ZBTB45: variants seen among roughly 807,000 people sequenced by gnomAD.
ZBTB45 encodes zinc finger and BTB domain containing 45.
Under a neutral mutation model 28.4 loss-of-function variants are expected in ZBTB45, and 22 were observed. That is an observed-to-expected ratio of 0.77 (90% CI 0.55 to 1.10). The LOEUF is 1.10. Among genes scored for constraint, ZBTB45 ranks in the 50% least tolerant of loss-of-function variants. The pLI is 0.00. For missense variants in ZBTB45, 656 were observed against 750.2 expected (o/e 0.87, Z 1.47); for synonymous variants, 361 against 332.3 (o/e 1.09, Z -0.94).
chr19:58,532,790 G>A (rs990576492), intron 1 of ZBTB45, among the ~76,000 whole-genome samples: 6 of 151,706 alleles, frequency 4.0e-5, no homozygotes, highest in Non-Finnish European at 7.4e-5. Context: ...CAGGTGATCC[G>A]CCCACCTCGG....
chr19:58,519,397 C>G (rs1218806834), intron 1 of ZBTB45: 2 of 152,320 alleles, frequency 1.3e-5, no homozygotes, highest in Non-Finnish European at 2.9e-5. Flanking sequence ...GCCGCAAGGC[C>G]GGCCTGGACA....
At chr19:58,530,141 C>G (rs915163780) in intron 1 of ZBTB45, among the ~76,000 whole-genome samples, 1 of 151,932 alleles carries the variant, frequency 6.6e-6, no homozygotes, top group African/African-American at 2.4e-5. Flanking sequence ...GAGGTCGAGG[C>G]TGCAGTGAGC....
At position 58,517,384 on chromosome 19, in the gene ZBTB45, C is replaced by T; in HGVS notation, c.290G>A (p.Gly97Asp). The T allele has an allele frequency of 6.2e-7, 1 of 1,612,814 alleles. No homozygotes were observed. Among genetic ancestry groups the T allele is most frequent in the Non-Finnish European group, 8.5e-7 (1 of 1,179,928 alleles). ...GGCCGTGAGCACCTGCAGGGCTTCA[C>T]CCTGCGCCACAACGAGCGAACCGCT... ...LYSGSLVVAQ[G>D]EALQVLTAAS... The change falls in exon 2 of 3, where the codon GGT becomes GAT. Residue 97 changes from glycine (G) to aspartate (D), a missense_variant. By Grantham distance (94) the Gly-to-Asp change is moderately conservative. Coordinates refer to ENST00000594051, the MANE Select transcript of ZBTB45 (RefSeq NM_001316979.2).
At chr19:58,531,383 T>G (rs1568651696) in intron 1 of ZBTB45, among the ~76,000 whole-genome samples, 1 of 152,182 alleles carries the variant, frequency 6.6e-6, no homozygotes, top group Admixed American at 6.5e-5. Context: ...AACCCTAACG[T>G]GGGGCACTGA....
Position 58,513,828 on chromosome 19 carries a change from ACCAGCC to A in ZBTB45, c.*220_*225del, listed in dbSNP as rs934290561. ...TAGTCCAGTTCTCAGAAGTGGTCTA[ACCAGCC>A]CCAGCCCCAGCCCGGCACCACCTGG... On this transcript the variant is annotated 3_prime_UTR_variant, in exon 3 of 3. Transcript: ENST00000594051. The A allele has an allele frequency of 1.1e-4, 57 of 508,862 alleles. No individual in the cohort carries two copies. Among genetic ancestry groups the A allele is most frequent in the African/African-American group, 1.1e-3 (53 of 49,882 alleles). 31.5% of individuals were successfully genotyped at this position (508,862 alleles called of 1,614,324 possible).
intron 1 of ZBTB45, among the ~76,000 whole-genome samples, chr19:58,537,916 C>A (rs754474040): frequency 1.3e-5 from 2 of 151,694 alleles, no homozygotes; most frequent in Non-Finnish European, 2.9e-5. Flanking sequence ...CAGCTCACTG[C>A]AACTTCTGCC....
chr19:58,524,433 A>ATGTGTGTGTG (rs1364446202), upstream of ZBTB45, among the ~76,000 whole-genome samples: 82 of 111,786 alleles, frequency 7.3e-4, no homozygotes, highest in African/African-American at 2.7e-3. Flanking sequence ...GTGTGTTCAT[A>ATGTGTGTGTG]TATGTGTGTG....
chr19:58,535,799 A>C (rs1217548270), intron 1 of ZBTB45, among the ~76,000 whole-genome samples: 1 of 152,230 alleles, frequency 6.6e-6, no homozygotes, highest in African/African-American at 2.4e-5. Flanking sequence ...GTCCTTTCAC[A>C]TATTTGCTGA....
At chr19:58,530,127 C>T (rs2053628220) in intron 1 of ZBTB45, among the ~76,000 whole-genome samples, 2 of 151,918 alleles carry the variant, frequency 1.3e-5, no homozygotes, top group Admixed American at 1.3e-4. Context: ...TCACTTGAGC[C>T]TGGGAGGTCG....
At chr19:58,519,625 T>G (rs1292872850) in intron 1 of ZBTB45, 117 bp downstream of exon 1, 1 of 153,192 alleles carries the variant, frequency 6.5e-6, no homozygotes, top group Admixed American at 6.5e-5. Context: ...ACCCCGGTCC[T>G]GCAGCGCCCC....
upstream of ZBTB45, among the ~76,000 whole-genome samples, chr19:58,523,663 ATCT>A (rs2053590412): frequency 1.4e-5 from 2 of 147,064 alleles, no homozygotes; most frequent in Non-Finnish European, 3.0e-5. Flanking sequence ...GCAAGACTCC[ATCT>A]TTTTTGTTTG....
chr19:58,518,253 C>A (rs2053541311), intron 1 of ZBTB45, among the ~76,000 whole-genome samples: 1 of 152,238 alleles, frequency 6.6e-6, no homozygotes, highest in African/African-American at 2.4e-5. Flanking sequence ...ATTGCTGCCT[C>A]AGAACCAGGT....
upstream of ZBTB45, among the ~76,000 whole-genome samples, chr19:58,524,173 C>T (rs1180014738): frequency 6.6e-6 from 1 of 150,480 alleles, no homozygotes; most frequent in Non-Finnish European, 1.5e-5. Context: ...TCCAGCCTAG[C>T]CAACATGGCA....
Position 58,515,647 on chromosome 19 carries a change from T to C in ZBTB45, c.1279+748A>G, listed in dbSNP as rs562839452. Among the ~76,000 whole-genome samples, 1 of 152,330 alleles carries C rather than the reference T, an allele frequency of 6.6e-6. No homozygotes were observed. The highest frequency in any genetic ancestry group is 1.9e-4 in the East Asian group (1 of 5,186). ...TGCAGAAACCCCCTCACTATCACTG[T>C]GGCCTTCCAGCCAAATTTTTGCTTT... is the stretch of plus-strand genomic sequence containing the variant. On this transcript the variant is annotated intron_variant, in intron 2 of 2. Transcript: ENST00000594051. The surrounding 1 kb of genome is among the most constrained non-coding windows in gnomAD (Gnocchi z 4.7).
At position 58,514,261 on chromosome 19, in the gene ZBTB45, G is replaced by A. The variant is rs185984401; in HGVS notation, c.1329C>T (p.Arg443=). The A allele has an allele frequency of 7.4e-6, 12 of 1,611,274 alleles. No individual in the cohort carries two copies. Among genetic ancestry groups the A allele is most frequent in the African/African-American group, 1.3e-5 (1 of 74,982 alleles). ...TGACCATGTGTTTGAGCAGGTAGTC[G>A]CGTAGAGAGAAGGATCGCCAGCACA... The part of the protein sequence containing the change: ...CAVCWRSFSL[R]DYLLKHMVTH... The change falls in exon 3 of 3, where the codon CGC becomes CGT. Residue 443 remains arginine (R), a synonymous_variant. Coordinates refer to ENST00000594051, the MANE Select transcript of ZBTB45 (RefSeq NM_001316979.2).
chr19:58,516,878 T>G lies in ZBTB45; in HGVS notation c.796A>C (p.Ser266Arg). 6.2e-7 allele frequency: 1 copy of G among 1,613,318 alleles called. No individual in the cohort carries two copies. The highest frequency in any genetic ancestry group is 8.5e-7 in the Non-Finnish European group (1 of 1,180,002). ...PPAPTGLADY[S>R]GAGRDFLRGA... is the part of the protein sequence containing the mutation. ...CGAAGAAAATCTCTCCCGGCACCACTGTAGTCAGCGAGGCCAGTGGGTGCA... is the reference window on the plus strand; with the variant it reads ...CGAAGAAAATCTCTCCCGGCACCACGGTAGTCAGCGAGGCCAGTGGGTGCA... The change falls in exon 2 of 3, where the codon AGT (serine) becomes CGT (arginine). Residue 266 changes from serine (S) to arginine (R), a missense_variant. Physicochemically the swap from Ser to Arg is moderately radical, Grantham distance 110 (BLOSUM62 -1). Around this residue, in one of 3 missense-constraint regions of ZBTB45, gnomAD observed 448 missense variants for 444.3 expected, o/e 1.01. Coordinates refer to ENST00000594051, the MANE Select transcript of ZBTB45 (RefSeq NM_001316979.2). This position sits in a 1 kb window ranked among gnomAD's most constrained non-coding sequence, Gnocchi z 6.2.
At chr19:58,530,546 T>C (rs1447073283) in intron 1 of ZBTB45, among the ~76,000 whole-genome samples, 2 of 152,018 alleles carry the variant, frequency 1.3e-5, no homozygotes, top group East Asian at 1.9e-4. Context: ...CCTCAGGTGA[T>C]CTGCCCGCCT....
In ZBTB45 at chr19:58,513,925, G is replaced by A. The variant is rs1031882041; in HGVS notation, c.*129C>T. ...GGCCCTGGTATGGAGAAAGGGTGAA[G>A]GGAGAGAGAGGACCTGCGCTCAGGA... On this transcript the variant is annotated 3_prime_UTR_variant, in exon 3 of 3. Transcript: ENST00000594051. The A allele has an allele frequency of 3.5e-6, 4 of 1,149,498 alleles. No homozygotes were observed. Among genetic ancestry groups the A allele is most frequent in the African/African-American group, 3.3e-5 (2 of 60,734 alleles). 71.2% of individuals were successfully genotyped at this position (1,149,498 alleles called of 1,614,324 possible).
chr19:58,518,023 A>T (rs2053537479), intron 1 of ZBTB45, among the ~76,000 whole-genome samples: 1 of 75,156 alleles, frequency 1.3e-5, no homozygotes, highest in Non-Finnish European at 2.6e-5. Context: ...CCCCACCCCA[A>T]CTCCAATAAC....
Sources: allele counts gnomAD v4.1 joint callset (sites outside exome capture counted in the v4.1 genomes callset), GRCh38; gene constraint gnomAD v4.1.1; regional missense constraint gnomAD v4.1.1; non-coding constraint Gnocchi (gnomAD v3.1); transcripts MANE v1.5; gene names NCBI Gene and HGNC (gene_info 2026-07-23, HGNC 2026-07-21).